The following CSMD1 variants were observed in gnomAD, a reference collection of about 807,000 sequenced individuals.
The protein encoded by CSMD1 is CUB and Sushi multiple domains 1, also known as CUB and sushi domain-containing protein 1.
CSMD1 carries 213 observed loss-of-function variants against 417.5 expected under a neutral mutation model. The ratio of observed to expected loss-of-function variants is 0.51; its 90% CI spans 0.46 to 0.57. CSMD1 has a LOEUF of 0.57. Among genes scored for constraint, CSMD1 ranks in the 20% least tolerant of loss-of-function variants. CSMD1 has a pLI of 0.00. For synonymous variants in CSMD1, 2,862 were observed against 1,736.8 expected (o/e 1.65, Z -16.11); for missense variants, 6,923 against 4,529.7 (o/e 1.53, Z -15.17).
intron 1 of CSMD1, among the ~76,000 whole-genome samples, chr8:4,845,323 A>G (rs1246271819): frequency 2.0e-5 from 3 of 152,220 alleles, no homozygotes; most frequent in Non-Finnish European, 2.9e-5. Context: ...TGTTTTCTTG[A>G]TGTAGACACT....
chr8:4,393,092 C>T (rs1585005465), intron 3 of CSMD1, among the ~76,000 whole-genome samples: 1 of 152,120 alleles, frequency 6.6e-6, no homozygotes, highest in Non-Finnish European at 1.5e-5. Flanking sequence ...TCTCGTGCCT[C>T]AATCTCCCGA....
chr8:3,275,865 T>A (rs1041203983), intron 26 of CSMD1, among the ~76,000 whole-genome samples: 3 of 152,154 alleles, frequency 2.0e-5, no homozygotes, highest in African/African-American at 7.2e-5. Context: ...TTCTTTGCCT[T>A]TGGTTTGAAT....
intron 1 of CSMD1, among the ~76,000 whole-genome samples, chr8:4,935,124 C>A (rs1028484615): frequency 1.4e-4 from 22 of 152,224 alleles, no homozygotes; most frequent in African/African-American, 5.3e-4. Flanking sequence ...TTATAGCTCA[C>A]CACTTTCAAT....
intron 3 of CSMD1, among the ~76,000 whole-genome samples, chr8:4,180,761 T>C (rs183756964): frequency 6.6e-6 from 1 of 152,284 alleles, no homozygotes; most frequent in Admixed American, 6.5e-5. Flanking sequence ...TTCCTTCTTA[T>C]CTAACATTGT....
In CSMD1 at chr8:3,490,661, C is replaced by CT. The variant is rs201121407; in HGVS notation, c.1448+2961dup. Reference sequence around the variant, plus strand: ...AGACAGGCAGAGAGAAGGAAAATGACTTCCCTCAGGGTCATGGGGATAGCA... The same window carrying CT: ...AGACAGGCAGAGAGAAGGAAAATGACTTTCCCTCAGGGTCATGGGGATAGCA... On this transcript the variant is annotated intron_variant, in intron 11 of 69. Transcript: ENST00000635120. Among the ~76,000 whole-genome samples, 401 of 152,190 alleles carry CT rather than the reference C, an allele frequency of 2.6e-3. 4 individuals carry two copies. Among genetic ancestry groups the CT allele is most frequent in the African/African-American group, 9.3e-3 (385 of 41,518 alleles).
At chr8:4,095,950 T>A (rs1337808178) in intron 3 of CSMD1, among the ~76,000 whole-genome samples, 1 of 152,184 alleles carries the variant, frequency 6.6e-6, no homozygotes, top group East Asian at 1.9e-4. Context: ...AAAAGATTCA[T>A]GCCTAAAAGA....
chr8:4,698,373 G>C (rs1285324773), intron 1 of CSMD1, among the ~76,000 whole-genome samples: 1 of 152,122 alleles, frequency 6.6e-6, no homozygotes, highest in African/African-American at 2.4e-5. Context: ...GAATGCATCA[G>C]AGAAAGAAGG....
At chr8:4,486,250 C>CATATATAT (rs376449969) in intron 2 of CSMD1, among the ~76,000 whole-genome samples, 1 of 13,218 alleles carries the variant, frequency 7.6e-5, no homozygotes, top group African/African-American at 2.5e-4. Context: ...TATATACATA[C>CATATATAT]ATATATATAT....
chr8:4,929,665 C>A (rs1807109259), intron 1 of CSMD1, among the ~76,000 whole-genome samples: 1 of 152,216 alleles, frequency 6.6e-6, no homozygotes, highest in South Asian at 2.1e-4. Flanking sequence ...TCATTCTACA[C>A]ATCTCCCAGA....
At chr8:4,411,078 C>G (rs1457648030) in intron 3 of CSMD1, among the ~76,000 whole-genome samples, 1 of 152,080 alleles carries the variant, frequency 6.6e-6, no homozygotes, top group African/African-American at 2.4e-5. Flanking sequence ...TATGAGGAAA[C>G]CCAAGGCCCC....
chr8:3,440,057 C>T (rs918708181), intron 12 of CSMD1, among the ~76,000 whole-genome samples: 1 of 152,132 alleles, frequency 6.6e-6, no homozygotes, highest in Non-Finnish European at 1.5e-5. Flanking sequence ...ATTACTGGAG[C>T]TATATAATAT....
chr8:3,168,825 C>T (rs916683352), intron 37 of CSMD1, among the ~76,000 whole-genome samples: 3 of 152,044 alleles, frequency 2.0e-5, no homozygotes, highest in Non-Finnish European at 4.4e-5. Flanking sequence ...TCTATTATTT[C>T]CACTTGTTAC....
At chr8:3,394,550 T>C (rs527834980) in intron 17 of CSMD1, among the ~76,000 whole-genome samples, 2 of 152,162 alleles carry the variant, frequency 1.3e-5, no homozygotes, top group African/African-American at 4.8e-5. Flanking sequence ...CTAATATTTG[T>C]CAATGCCTGA....
intron 29 of CSMD1, among the ~76,000 whole-genome samples, chr8:3,214,948 T>G (rs1797802006): frequency 6.6e-6 from 1 of 152,250 alleles, no homozygotes; most frequent in African/African-American, 2.4e-5. Context: ...TGATATAAAA[T>G]TACCTTCATC....
At chr8:4,430,302 T>G (rs1294513759) in intron 2 of CSMD1, among the ~76,000 whole-genome samples, 2 of 152,158 alleles carry the variant, frequency 1.3e-5, no homozygotes, top group African/African-American at 4.8e-5. Flanking sequence ...AATATTGCAG[T>G]TAAACCACTG....
At chr8:4,605,721 C>T (rs940790317) in intron 2 of CSMD1, among the ~76,000 whole-genome samples, 6 of 151,200 alleles carry the variant, frequency 4.0e-5, no homozygotes, top group Non-Finnish European at 7.4e-5. Context: ...ATGGTTGTCT[C>T]ATATCCACGA....
intron 4 of CSMD1, among the ~76,000 whole-genome samples, chr8:4,003,495 G>A (rs935295806): frequency 2.6e-5 from 4 of 151,892 alleles, no homozygotes; most frequent in Non-Finnish European, 4.4e-5. Context: ...ATTTTAAATG[G>A]CAATTTAAAT....
chr8:3,233,866 T>C (rs1335390217), intron 26 of CSMD1, among the ~76,000 whole-genome samples: 1 of 149,716 alleles, frequency 6.7e-6, no homozygotes, highest in East Asian at 2.0e-4. Context: ...CCTCCTTTTT[T>C]CAAAAATAAA....
chr8:3,327,848 C>A (rs560796904), intron 23 of CSMD1, among the ~76,000 whole-genome samples: 1 of 152,190 alleles, frequency 6.6e-6, no homozygotes, highest in Non-Finnish European at 1.5e-5. Context: ...TCTTCACCTG[C>A]ATATGCCCTG....
Sources: allele counts gnomAD v4.1 joint callset (sites outside exome capture counted in the v4.1 genomes callset), GRCh38; gene constraint gnomAD v4.1.1; transcripts MANE v1.5; gene names NCBI Gene and HGNC (gene_info 2026-07-23, HGNC 2026-07-21).